The following PRLR variants were observed in gnomAD, a reference collection of about 807,000 sequenced individuals.
PRLR encodes prolactin receptor, also known as hPRL receptor.
Under a neutral mutation model 40.2 loss-of-function variants are expected in PRLR, and 13 were observed. The observed-to-expected ratio is 0.32, with a 90% CI of 0.21 to 0.51. The LOEUF is 0.51. Among genes scored for constraint, PRLR ranks in the 20% least tolerant of loss-of-function variants. PRLR has a pLI of 0.97. For missense variants in PRLR, 656 were observed against 747.3 expected (o/e 0.88, Z 1.42); for synonymous variants, 269 against 278.7 (o/e 0.97, Z 0.35).
At chr5:35,141,771 T>G (rs909052157) in intron 1 of PRLR, among the ~76,000 whole-genome samples, 1 of 152,170 alleles carries the variant, frequency 6.6e-6, no homozygotes, top group Admixed American at 6.5e-5. Flanking sequence ...ACCTTCTAAG[T>G]CTATGCTTTA....
At chr5:35,104,370 C>T (rs1772087446) in intron 2 of PRLR, among the ~76,000 whole-genome samples, 1 of 152,066 alleles carries the variant, frequency 6.6e-6, no homozygotes, top group South Asian at 2.1e-4. Flanking sequence ...CTCACTGGGG[C>T]TTGTTGGACA....
At chr5:35,083,943 G>GTA (rs371256439) in intron 5 of PRLR, among the ~76,000 whole-genome samples, 3,922 of 150,616 alleles carry the variant, frequency 0.026, 68 homozygotes, top group Middle Eastern at 0.1. Flanking sequence ...TACCAATGAT[G>GTA]TATATATATA....
At chr5:35,113,955 T>C (rs1371079212) in intron 2 of PRLR, among the ~76,000 whole-genome samples, 1 of 152,212 alleles carries the variant, frequency 6.6e-6, no homozygotes, top group Non-Finnish European at 1.5e-5. Flanking sequence ...TTTTGTTAGG[T>C]ATCAGGCATC....
At chr5:35,159,836 G>T (rs1774623543) in intron 1 of PRLR, among the ~76,000 whole-genome samples, 1 of 152,184 alleles carries the variant, frequency 6.6e-6, no homozygotes, top group African/African-American at 2.4e-5. Flanking sequence ...ACTGGCATTT[G>T]TGGCTGGGTC....
chr5:35,157,584 G>A (rs1271963740), intron 1 of PRLR, among the ~76,000 whole-genome samples: 2 of 152,184 alleles, frequency 1.3e-5, no homozygotes, highest in Non-Finnish European at 2.9e-5. Context: ...CACTGGACAG[G>A]GCCGTGGGTC....
rs1769935601 is a variant in PRLR, at chr5:35,074,397, G to A, written c.374-1653C>T. On this transcript the variant is annotated intron_variant, in intron 5 of 9. Transcript: ENST00000618457. ...GAATCACTGGAATCTGGGAGGCAGAGGTTGCAGTGAGCTGAGATCGCACCA... is the reference window on the plus strand; with the variant it reads ...GAATCACTGGAATCTGGGAGGCAGAAGTTGCAGTGAGCTGAGATCGCACCA... Among the ~76,000 whole-genome samples, 2 of 151,780 alleles carry A rather than the reference G, an allele frequency of 1.3e-5. 1 individual carries two copies. Among genetic ancestry groups the A allele is most frequent in the South Asian group, 4.2e-4 (2 of 4,808 alleles).
Position 35,180,359 on chromosome 5 carries a change from G to C in PRLR, c.-106+49909C>G, listed in dbSNP as rs1008370020. ...ACCATTCCCTTGGTGCTCTCTTCGT[G>C]ATAGTGAGTGACTTCTCATGAGATG... On this transcript the variant is annotated intron_variant, in intron 1 of 9. Transcript: ENST00000618457. 2.0e-5 allele frequency among the ~76,000 whole-genome samples: 3 copies of C among 152,140 alleles called. 1 individual carries two copies. The highest frequency in any genetic ancestry group is 4.2e-4 in the South Asian group (2 of 4,814).
intron 1 of PRLR, among the ~76,000 whole-genome samples, chr5:35,200,855 T>C (rs1328876326): frequency 6.6e-6 from 1 of 152,204 alleles, no homozygotes; most frequent in Non-Finnish European, 1.5e-5. Context: ...TTTGCGAAGA[T>C]CACACAGATG....
At chr5:35,076,953 T>A (rs569146150) in intron 5 of PRLR, among the ~76,000 whole-genome samples, 9 of 152,134 alleles carry the variant, frequency 5.9e-5, no homozygotes, top group Non-Finnish European at 1.0e-4. Context: ...CTAAGCTTCA[T>A]AAGTGAAGGA....
At chr5:35,050,237 T>C (rs965232997) in intron 8 of PRLR, among the ~76,000 whole-genome samples, 1 of 152,218 alleles carries the variant, frequency 6.6e-6, no homozygotes, top group African/African-American at 2.4e-5. Context: ...TCTTTTGAAC[T>C]CTGAGGAATT....
chr5:35,151,299 T>C (rs1490114751), intron 1 of PRLR, among the ~76,000 whole-genome samples: 1 of 152,170 alleles, frequency 6.6e-6, no homozygotes, highest in Non-Finnish European at 1.5e-5. Context: ...ATGGAAAAGC[T>C]GTAAGATGGA....
intron 1 of PRLR, among the ~76,000 whole-genome samples, chr5:35,142,328 T>C (rs761828026): frequency 1.3e-5 from 2 of 152,170 alleles, no homozygotes; most frequent in Non-Finnish European, 2.9e-5. Flanking sequence ...TCCGGGATTT[T>C]TGTGGAATCA....
chr5:35,066,871 C>A (rs897365457), intron 9 of PRLR, among the ~76,000 whole-genome samples: 1 of 149,818 alleles, frequency 6.7e-6, no homozygotes, highest in South Asian at 2.1e-4. Context: ...TCACGCCATT[C>A]TCCTGCCTCA....
Position 35,064,939 on chromosome 5 carries a change from A to G in PRLR, c.*150T>C. Reference sequence around the variant, plus strand: ...GATTTGTTCTGGAATCAGCTGCTGGAGAAAGAGGCAAGTGGTTAAAAATGG... The same window carrying G: ...GATTTGTTCTGGAATCAGCTGCTGGGGAAAGAGGCAAGTGGTTAAAAATGG... On this transcript the variant is annotated 3_prime_UTR_variant, in exon 10 of 10. Coordinates refer to ENST00000618457, the MANE Select transcript of PRLR (RefSeq NM_000949.7). The G allele has an allele frequency of 1.3e-6, 1 of 792,276 alleles. No homozygotes were observed. The highest frequency in any genetic ancestry group is 2.0e-5 in the South Asian group (1 of 50,502). The allele number at this position is 792,276 out of a possible 1,614,324, so 49.1% of individuals were successfully genotyped here.
At chr5:35,210,623 A>C (rs1359566118) in intron 1 of PRLR, among the ~76,000 whole-genome samples, 2 of 152,220 alleles carry the variant, frequency 1.3e-5, no homozygotes, top group Non-Finnish European at 2.9e-5. Flanking sequence ...AATTATATCC[A>C]AGATTTTCTC....
At position 35,065,650 on chromosome 5, in the gene PRLR, C is replaced by G. The variant is rs774391393; in HGVS notation, c.1308G>C (p.Val436=). 6.2e-7 allele frequency: 1 copy of G among 1,614,140 alleles called. No homozygotes were observed. Among genetic ancestry groups the G allele is most frequent in the Non-Finnish European group, 8.5e-7 (1 of 1,180,024 alleles). The part of the protein sequence containing the change: ...PRSSYHNITD[V]CELAVGPAGA... ...CTGCAGGGCCCACAGCCAGCTCACA[C>G]ACATCAGTAATATTGTGGTAAGAGG... Residue 436 remains valine (V), a synonymous_variant, in exon 10 of 10, where the codon GTG becomes GTC. Coordinates refer to ENST00000618457, the MANE Select transcript of PRLR (RefSeq NM_000949.7).
In PRLR at chr5:35,072,610, T is replaced by G. The variant is rs72478580; in HGVS notation, c.508A>C (p.Ile170Leu). ...KTGWFTLLYE[I>L]RLKPEKAAEW... ...GCTGCTTTCTCGGGTTTTAATCGAA[T>G]TTCATACAGGAGCGTGAACCAACCA... is the stretch of plus-strand genomic sequence containing the variant. Residue 170 changes from isoleucine to leucine, a missense_variant, in exon 6 of 10, where the codon ATT becomes CTT. Transcript: ENST00000618457. The G allele has an allele frequency of 0.024, 38,411 of 1,614,040 alleles. 539 individuals are homozygous for G. Among genetic ancestry groups the G allele is most frequent in the Non-Finnish European group, 0.028 (32,623 of 1,179,946 alleles).
intron 1 of PRLR, among the ~76,000 whole-genome samples, chr5:35,218,284 T>C (rs1196751235): frequency 6.6e-6 from 1 of 152,176 alleles, no homozygotes; most frequent in Non-Finnish European, 1.5e-5. Context: ...TAAAGTTGAA[T>C]AAACAAATTG....
intron 8 of PRLR, among the ~76,000 whole-genome samples, chr5:35,050,231 T>G (rs1768449247): frequency 6.6e-6 from 1 of 152,218 alleles, no homozygotes; most frequent in Non-Finnish European, 1.5e-5. Context: ...GTTTGTTCTT[T>G]TGAACTCTGA....
Sources: gnomAD v4.1 joint callset for allele counts (sites outside exome capture counted in the v4.1 genomes callset) on GRCh38, gnomAD v4.1.1 for gene constraint, MANE v1.5 for transcripts, NCBI Gene and HGNC (gene_info 2026-07-23, HGNC 2026-07-21) for gene names.